The following ZNF385B variants were observed in gnomAD, a reference collection of about 807,000 sequenced individuals.
The protein encoded by ZNF385B is zinc finger protein 533.
A neutral mutation model predicts 39.2 loss-of-function variants in ZNF385B; 23 were observed. The ratio of observed to expected loss-of-function variants is 0.59; its 90% CI spans 0.42 to 0.83. The LOEUF is 0.83. ZNF385B is among the 40% of genes least tolerant of loss of function. The pLI, the probability that ZNF385B is intolerant of heterozygous loss-of-function variation, is 0.00. For synonymous variants in ZNF385B, 205 were observed against 222.6 expected, an observed-to-expected ratio of 0.92 and a Z score of 0.70; for missense variants, 552 against 598.9, an observed-to-expected ratio of 0.92 and a Z score of 0.82.
At chr2:179,480,572 T>C (rs955316851) in intron 6 of ZNF385B, among the ~76,000 whole-genome samples, 2 of 152,200 alleles carry the variant, frequency 1.3e-5, no homozygotes, top group African/African-American at 2.4e-5. Context: ...AGATTTCCCA[T>C]CTGGGCAAAG....
intron 3 of ZNF385B, among the ~76,000 whole-genome samples, chr2:179,648,214 T>C (rs935241155): frequency 2.0e-5 from 3 of 151,932 alleles, no homozygotes; most frequent in South Asian, 2.1e-4. Context: ...GGCAGCCCCA[T>C]GTGGTGTGTC....
At chr2:179,824,461 C>T (rs1707570752) in intron 1 of ZNF385B, among the ~76,000 whole-genome samples, 1 of 152,068 alleles carries the variant, frequency 6.6e-6, no homozygotes, top group African/African-American at 2.4e-5. Flanking sequence ...ATATCCTACA[C>T]AGAACAGCAT....
chr2:179,451,116 G>C (rs1265195639), intron 6 of ZNF385B, among the ~76,000 whole-genome samples: 3 of 114,746 alleles, frequency 2.6e-5, no homozygotes, highest in African/African-American at 1.0e-4. Flanking sequence ...GGGGGGAGGG[G>C]GGAGGGATAG....
intron 3 of ZNF385B, among the ~76,000 whole-genome samples, chr2:179,653,905 T>C (rs1390212223): frequency 1.3e-5 from 2 of 152,214 alleles, no homozygotes; most frequent in African/African-American, 2.4e-5. Flanking sequence ...TAGTTGACAA[T>C]GTTTCTCCAA....
intron 3 of ZNF385B, among the ~76,000 whole-genome samples, chr2:179,754,227 T>G (rs931527404): frequency 1.4e-4 from 22 of 152,198 alleles, no homozygotes; most frequent in African/African-American, 3.9e-4. Context: ...TTATATGCTG[T>G]ATTACATTTA....
At chr2:179,628,471 T>G (rs943905743) in intron 3 of ZNF385B, among the ~76,000 whole-genome samples, 1 of 152,240 alleles carries the variant, frequency 6.6e-6, no homozygotes, top group Non-Finnish European at 1.5e-5. Flanking sequence ...CTTCTGAGTT[T>G]CTTGAAAATG....
chr2:179,558,779 C>T (rs2061127261), intron 3 of ZNF385B, among the ~76,000 whole-genome samples: 1 of 152,284 alleles, frequency 6.6e-6, no homozygotes, highest in Non-Finnish European at 1.5e-5. Context: ...AAAGGCCACT[C>T]TTGGTCCTCT....
rs55643934 is a variant in ZNF385B, at chr2:179,743,158, T to A, written c.298+26345A>T. 2.2e-3 allele frequency among the ~76,000 whole-genome samples: 333 copies of A among 152,178 alleles called. 4 individuals carry two copies. Among genetic ancestry groups the A allele is most frequent in the African/African-American group, 7.7e-3 (320 of 41,564 alleles). On this transcript the variant is annotated intron_variant, in intron 3 of 9. Coordinates refer to ENST00000410066, the MANE Select transcript of ZNF385B (RefSeq NM_152520.6). Reference sequence around the variant, plus strand: ...AGGAATTTCAAAGAGAAAATGTCAATGCCCTCTAAGTTTCTAATTCTCAAC... The same window carrying A: ...AGGAATTTCAAAGAGAAAATGTCAAAGCCCTCTAAGTTTCTAATTCTCAAC...
chr2:179,552,054 A>T lies in ZNF385B; in HGVS notation c.299-7085T>A, dbSNP rs752310014. ...TAAAAGACAATTTCCTAATATGATC[A>T]TAAGAAAACTATTATTTCAGCCAAC... On this transcript the variant is annotated intron_variant, in intron 3 of 9. Transcript: ENST00000410066. Among the ~76,000 whole-genome samples the T allele has an allele frequency of 1.0e-4, 15 of 149,668 alleles. 1 individual carries two copies. The highest frequency in any genetic ancestry group is 1.8e-4 in the Non-Finnish European group (12 of 67,594).
chr2:179,490,121 C>T (rs922779840), intron 5 of ZNF385B, among the ~76,000 whole-genome samples: 2 of 152,100 alleles, frequency 1.3e-5, no homozygotes, highest in Non-Finnish European at 2.9e-5. Flanking sequence ...TAAATAAACC[C>T]ATCAACTCCA....
intron 3 of ZNF385B, among the ~76,000 whole-genome samples, chr2:179,728,139 T>G (rs1038878919): frequency 1.3e-5 from 2 of 152,124 alleles, no homozygotes; most frequent in Non-Finnish European, 2.9e-5. Context: ...AAAATGCATA[T>G]GATTAAACCC....
intron 3 of ZNF385B, among the ~76,000 whole-genome samples, chr2:179,662,936 T>G (rs1183147240): frequency 6.6e-6 from 1 of 152,224 alleles, no homozygotes; most frequent in Non-Finnish European, 1.5e-5. Context: ...TTCCCTTCCA[T>G]TAACTTTTAG....
intron 3 of ZNF385B, among the ~76,000 whole-genome samples, chr2:179,618,731 G>A (rs1689964890): frequency 6.6e-6 from 1 of 152,164 alleles, no homozygotes; most frequent in Non-Finnish European, 1.5e-5. Flanking sequence ...GAGAACAAGA[G>A]GAATCAGGAA....
intron 3 of ZNF385B, among the ~76,000 whole-genome samples, chr2:179,670,218 G>A (rs1695754302): frequency 6.6e-6 from 1 of 151,408 alleles, no homozygotes; most frequent in Non-Finnish European, 1.5e-5. Context: ...CGTGAACCCG[G>A]GAGGCGGAGC....
intron 3 of ZNF385B, among the ~76,000 whole-genome samples, chr2:179,732,483 A>G (rs907072289): frequency 6.6e-6 from 1 of 152,192 alleles, no homozygotes; most frequent in African/African-American, 2.4e-5. Context: ...ATTTGGACCA[A>G]TTAGAAGACA....
chr2:179,859,717 C>G (rs1217471205), intron 1 of ZNF385B, among the ~76,000 whole-genome samples: 5 of 152,162 alleles, frequency 3.3e-5, no homozygotes, highest in Non-Finnish European at 7.4e-5. Context: ...TGAAAAACAA[C>G]CAACACTTTG....
At chr2:179,800,725 G>C (rs1293202506) in intron 1 of ZNF385B, among the ~76,000 whole-genome samples, 2 of 152,004 alleles carry the variant, frequency 1.3e-5, no homozygotes, top group African/African-American at 4.8e-5. Context: ...GAAGCAGAGA[G>C]AATAGGTCAA....
At chr2:179,472,233 A>G (rs1381927203) in intron 6 of ZNF385B, among the ~76,000 whole-genome samples, 2 of 152,242 alleles carry the variant, frequency 1.3e-5, no homozygotes, top group African/African-American at 2.4e-5. Flanking sequence ...CAAAACTTCT[A>G]TTGGATATTA....
chr2:179,595,544 A>G (rs919227054), intron 3 of ZNF385B, among the ~76,000 whole-genome samples: 1 of 152,044 alleles, frequency 6.6e-6, no homozygotes, highest in Admixed American at 6.5e-5. Flanking sequence ...CTCTTTGAGC[A>G]GCCCAGTTCT....
Sources: allele counts gnomAD v4.1 joint callset (sites outside exome capture counted in the v4.1 genomes callset), GRCh38; gene constraint gnomAD v4.1.1; transcripts MANE v1.5; gene names NCBI Gene and HGNC (gene_info 2026-07-23, HGNC 2026-07-21).